The following ASTL variants were observed in gnomAD, a reference collection of about 807,000 sequenced individuals.
ASTL encodes the protein astacin-like metalloendopeptidase.
ASTL carries 27 observed loss-of-function variants against 36.7 expected under a neutral mutation model. That is an observed-to-expected ratio of 0.73 (90% CI 0.54 to 1.01). ASTL has a LOEUF of 1.01. ASTL is among the 50% of genes least tolerant of loss of function. ASTL has a pLI of 0.00. For synonymous variants in ASTL, 222 were observed against 228.1 expected (o/e 0.97, Z 0.24); for missense variants, 524 against 572.8 (o/e 0.91, Z 0.87).
At position 96,138,420 on chromosome 2, in the gene ASTL, C is replaced by T; in HGVS notation, c.17G>A (p.Gly6Asp). ...CAGACCCAGCACCCAAGGCCAGAGA[C>T]CCCCTACACCCTCCATGGTAGAGCC... MEGVG[G>D]LWPWVLGLLS... Residue 6 changes from glycine to aspartate, a missense_variant, in exon 1 of 9, where the codon GGT becomes GAT. Gly to Asp is a moderately conservative substitution (Grantham distance 94). Coordinates refer to ENST00000342380, the MANE Select transcript of ASTL (RefSeq NM_001002036.4). 6.2e-7 allele frequency: 1 copy of T among 1,610,674 alleles called. No homozygotes were observed. The highest frequency in any genetic ancestry group is 8.5e-7 in the Non-Finnish European group (1 of 1,178,462).
At chr2:96,136,347 G>A (rs1328268590) in intron 2 of ASTL, among the ~76,000 whole-genome samples, 1 of 152,280 alleles carries the variant, frequency 6.6e-6, no homozygotes, top group African/African-American at 2.4e-5. Context: ...CTGGCCAAGG[G>A]CCAGTTTTGG....
At position 96,137,587 on chromosome 2, in the gene ASTL, C is replaced by A. The variant is rs1033770359; in HGVS notation, c.169G>T (p.Ala57Ser). 6.2e-7 allele frequency: 1 copy of A among 1,613,730 alleles called. No individual in the cohort carries two copies. Among genetic ancestry groups the A allele is most frequent in the Non-Finnish European group, 8.5e-7 (1 of 1,179,692 alleles). ...TQASGDKDIPAINQGLILEET... is the reference protein window; with the variant it reads ...TQASGDKDIPSINQGLILEET... ...GTAGTGCCCTCACCTTGGTTAATTG[C>A]AGGAATGTCCTTGTCCCCGGAGGCC... Residue 57 changes from alanine to serine, a missense_variant, in exon 2 of 9, where the codon GCA becomes TCA. Coordinates refer to ENST00000342380, the MANE Select transcript of ASTL (RefSeq NM_001002036.4).
Position 96,129,983 on chromosome 2 carries a change from A to T in ASTL, c.720-5T>A, listed in dbSNP as rs1682139272. 1.2e-6 allele frequency: 2 copies of T among 1,605,682 alleles called. No individual in the cohort carries two copies. The highest frequency in any genetic ancestry group is 1.7e-6 in the Non-Finnish European group (2 of 1,173,090). On this transcript the variant is annotated splice_region_variant and splice_polypyrimidine_tract_variant and intron_variant, in intron 7 of 8. Coordinates refer to ENST00000342380, the MANE Select transcript of ASTL (RefSeq NM_001002036.4). ...CCACGCCGGCTGAAGGCGAGCCTGG[A>T]ACCCAGCGGGAGACCCCTGAGTCCA...
chr2:96,137,514 T>C, intron 2 of ASTL, 61 bp downstream of exon 2: 1 of 1,565,168 alleles, frequency 6.4e-7, no homozygotes, highest in Non-Finnish European at 8.7e-7. Flanking sequence ...GTGTTCGGTG[T>C]GGTTTTCACA....
chr2:96,137,813 G>C, intron 1 of ASTL, 113 bp from the exon 2 acceptor site: 1 of 1,107,106 alleles, frequency 9.0e-7, no homozygotes, highest in South Asian at 1.5e-5. Flanking sequence ...CAGTCCCTAG[G>C]AAGAGTAGGC....
chr2:96,137,787 A>G lies in ASTL; in HGVS notation c.56-87T>C, dbSNP rs993870437. 3.6e-6 allele frequency: 5 copies of G among 1,374,342 alleles called. No homozygotes were observed. In the African/African-American group the frequency reaches 7.1e-5, roughly 20 times the overall value. The allele number at this position is 1,374,342 out of a possible 1,614,324, so 85.1% of individuals were successfully genotyped here. On this transcript the variant is annotated intron_variant, in intron 1 of 8. Transcript: ENST00000342380. ...GCAGGACATGGGGTGGGTGTGGGGG[A>G]TCAGACGGTAAGACTCAGTCCCTAG...
chr2:96,137,811 AG>A, intron 1 of ASTL, 111 bp from the exon 2 acceptor site: 1 of 1,105,464 alleles, frequency 9.0e-7, no homozygotes, highest in Non-Finnish European at 1.3e-6. Flanking sequence ...CTCAGTCCCT[AG>A]GAAGAGTAGG....
At chr2:96,130,575 C>T (rs535923233) in intron 6 of ASTL, among the ~76,000 whole-genome samples, 22 of 152,332 alleles carry the variant, frequency 1.4e-4, no homozygotes, top group African/African-American at 5.3e-4. Flanking sequence ...TGGTGATGCC[C>T]TAGTCCCCAG....
chr2:96,136,798 T>C (rs1407852373), intron 2 of ASTL, among the ~76,000 whole-genome samples: 3 of 152,200 alleles, frequency 2.0e-5, no homozygotes, highest in Non-Finnish European at 4.4e-5. Flanking sequence ...AGGCTATTTA[T>C]ACACCCTCAT....
In ASTL at chr2:96,123,615, G is replaced by C. The variant is rs1006752797; in HGVS notation, c.*235C>G. ...TCCACCAGGGCTGGGCAAAAGTCAA[G>C]AGCAGGCACAGCCAGGCCTGCCTTC... On this transcript the variant is annotated 3_prime_UTR_variant, in exon 9 of 9. Coordinates refer to ENST00000342380, the MANE Select transcript of ASTL (RefSeq NM_001002036.4). Among the ~76,000 whole-genome samples, 15 of 152,292 alleles carry C rather than the reference G, an allele frequency of 9.8e-5. No individual in the cohort carries two copies. The highest frequency in any genetic ancestry group is 2.0e-4 in the Admixed American group (3 of 15,308).
At position 96,132,470 on chromosome 2, in the gene ASTL, A is replaced by G; in HGVS notation, c.637+70T>C. 7.0e-7 allele frequency: 1 copy of G among 1,434,042 alleles called. No homozygotes were observed. The highest frequency in any genetic ancestry group is 2.1e-5 in the Admixed American group (1 of 47,900). 88.8% of individuals were successfully genotyped at this position (1,434,042 alleles called of 1,614,324 possible). A position where few individuals can be genotyped will look rare whatever the true frequency, so the allele number is the denominator to read the frequency against. ...ATGGATAGCCTCACCCATGGGGACC[A>G]GGCGACTTGGGCCCAAGCCGTGCTG... On this transcript the variant is annotated intron_variant, in intron 6 of 8. Coordinates refer to ENST00000342380, the MANE Select transcript of ASTL (RefSeq NM_001002036.4). The surrounding 1 kb of genome is among the most constrained non-coding windows in gnomAD (Gnocchi z 5.4).
In ASTL at chr2:96,124,016, C is replaced by A; in HGVS notation, c.1130G>T (p.Gly377Val). Residue 377 changes from glycine to valine, a missense_variant, in exon 9 of 9, where the codon GGT becomes GTT. Transcript: ENST00000342380. The surrounding 1 kb of genome is among the most constrained non-coding windows in gnomAD (Gnocchi z 4.1). ...CTGCTCCTGAGCAACACCGGGGGCA[C>A]CTGCTCCAGGCCTTGATCTTGGGGA... ...ASSPRSRPGA[G>V]APGVAQEQSW... 6.2e-7 allele frequency: 1 copy of A among 1,614,020 alleles called. No individual in the cohort carries two copies. The highest frequency in any genetic ancestry group is 8.5e-7 in the Non-Finnish European group (1 of 1,179,978).
chr2:96,133,543 C>T lies in ASTL; in HGVS notation c.338-1G>A. ...AGGATGACCTGGCGGCTGGGCTCAT[C>T]TGGAAGACACCACCTGGCTGAGCCC... is the stretch of plus-strand genomic sequence containing the variant. On this transcript the variant is annotated splice_acceptor_variant, in intron 4 of 8. Transcript: ENST00000342380. LOFTEE classifies it high-confidence loss of function. 1 of 1,610,974 alleles carries T rather than the reference C, an allele frequency of 6.2e-7. No homozygotes were observed. Among genetic ancestry groups the T allele is most frequent in the South Asian group, 1.1e-5 (1 of 91,028 alleles).
At chr2:96,127,633 G>C (rs977132340) in intron 8 of ASTL, among the ~76,000 whole-genome samples, 1 of 151,906 alleles carries the variant, frequency 6.6e-6, no homozygotes, top group Admixed American at 6.5e-5. Flanking sequence ...GAGTGCAGTG[G>C]CACGATCTTG....
chr2:96,133,355 C>T, intron 5 of ASTL, 70 bp downstream of exon 5: 1 of 1,109,606 alleles, frequency 9.0e-7, no homozygotes, highest in Non-Finnish European at 1.4e-6. Flanking sequence ...ACATTTTAGA[C>T]AATGGCCAAG....
chr2:96,133,960 C>G lies in ASTL; in HGVS notation c.337+5G>C. 6.2e-7 allele frequency: 1 copy of G among 1,604,244 alleles called. No individual in the cohort carries two copies. The highest frequency in any genetic ancestry group is 8.5e-7 in the Non-Finnish European group (1 of 1,171,034). On this transcript the variant is annotated splice_donor_5th_base_variant and intron_variant, in intron 4 of 8. Transcript: ENST00000342380. Reference sequence around the variant, plus strand: ...GCAGGGAGGGAGCGCGCCATGCTCACTCACCGTACTTGCTGGAGAGCAGGA... The same window carrying G: ...GCAGGGAGGGAGCGCGCCATGCTCAGTCACCGTACTTGCTGGAGAGCAGGA...
In ASTL at chr2:96,132,041, CA is replaced by C. The variant is rs1406330448; in HGVS notation, c.637+498del. Reference sequence around the variant, plus strand: ...TGTGTTCCTTCTGCCTGCTCACTGGCACCACTGGCACATGTCCCAGCCCCAC... The same window carrying C: ...TGTGTTCCTTCTGCCTGCTCACTGGCCCACTGGCACATGTCCCAGCCCCAC... On this transcript the variant is annotated intron_variant, in intron 6 of 8. Transcript: ENST00000342380. The surrounding 1 kb of genome is among the most constrained non-coding windows in gnomAD (Gnocchi z 5.4). Among the ~76,000 whole-genome samples the C allele has an allele frequency of 6.6e-6, 1 of 152,222 alleles. No homozygotes were observed. The highest frequency in any genetic ancestry group is 1.9e-4 in the East Asian group (1 of 5,202).
upstream of ASTL, chr2:96,138,557 C>T (rs1682355710): frequency 3.6e-6 from 3 of 844,596 alleles, no homozygotes; most frequent in Non-Finnish European, 5.8e-6. Context: ...TCCCACCTTG[C>T]TCCCCTCAAC....
chr2:96,136,605 C>T (rs1682306714), intron 2 of ASTL, among the ~76,000 whole-genome samples: 1 of 152,152 alleles, frequency 6.6e-6, no homozygotes, highest in South Asian at 2.1e-4. Flanking sequence ...GCGCTGGGCT[C>T]CCAAGTCAGC....
Sources: gnomAD v4.1 joint callset for allele counts (sites outside exome capture counted in the v4.1 genomes callset) on GRCh38, gnomAD v4.1.1 for gene constraint, Gnocchi (gnomAD v3.1) non-coding constraint, MANE v1.5 for transcripts, NCBI Gene and HGNC (gene_info 2026-07-23, HGNC 2026-07-21) for gene names.